Variants in ASPRV1 observed in about 807,000 individuals in gnomAD.
The protein encoded by ASPRV1 is retroviral-like aspartic protease 1.
In ASPRV1, 7 loss-of-function variants were observed where a neutral mutation model predicts 11.0. The ratio of observed to expected loss-of-function variants is 0.64; its 90% CI spans 0.36 to 1.20. The LOEUF (loss-of-function observed/expected upper bound fraction) is 1.20. ASPRV1 is among the 50% of genes most tolerant of loss of function. The pLI is 0.02. For missense variants in ASPRV1, 299 were observed against 320.0 expected (o/e 0.93, Z 0.50); for synonymous variants, 136 against 138.4 (o/e 0.98, Z 0.12).
At chr2:69,971,500 C>T in the ASPRV1 span, among the ~76,000 whole-genome samples, 9 of 152,100 alleles carry the variant, frequency 5.9e-5, no homozygotes, top group Admixed American at 1.3e-4. Flanking sequence ...GGCGCAGGAT[C>T]GTTTTGTAAA....
chr2:69,967,333 A>G, the ASPRV1 span, among the ~76,000 whole-genome samples: 1 of 152,154 alleles, frequency 6.6e-6, no homozygotes, highest in Non-Finnish European at 1.5e-5. Flanking sequence ...GCCTCAGGCA[A>G]CTCCCGCAAC....
chr2:69,960,751 A>G lies in ASPRV1; in HGVS notation c.686T>C (p.Leu229Pro). 6 of 1,614,182 alleles carry G rather than the reference A, an allele frequency of 3.7e-6. No homozygotes were observed. The highest frequency in any genetic ancestry group is 5.1e-6 in the Non-Finnish European group (6 of 1,180,018). The change falls in exon 1 of 1, where the codon CTG becomes CCG. Residue 229 changes from leucine (L) to proline (P), a missense_variant. Physicochemically the swap from Leu to Pro is moderately conservative, Grantham distance 98 (BLOSUM62 -3). Coordinates refer to ENST00000320256, the MANE Select transcript of ASPRV1 (RefSeq NM_152792.4). ...CTLKGKKFRL[L>P]PVGGSLEDEF... is the part of the protein sequence containing the mutation. ...ATCTTCCAGGGACCCTCCCACAGGCAGAAGGCGAAACTTCTTCCCTTTCAG... is the reference window on the plus strand; with the variant it reads ...ATCTTCCAGGGACCCTCCCACAGGCGGAAGGCGAAACTTCTTCCCTTTCAG...
At chr2:70,003,084 C>G in the ASPRV1 span, 2 of 152,244 alleles carry the variant, frequency 1.3e-5, no homozygotes, top group Non-Finnish European at 2.9e-5. Context: ...GTTAAATCCT[C>G]TGGAGAGGGA....
chr2:69,942,641 A>C, the ASPRV1 span: 1 of 152,126 alleles, frequency 6.6e-6, no homozygotes, highest in Admixed American at 6.6e-5. Flanking sequence ...CCATCCCTAG[A>C]ATTGGTGCTC....
chr2:69,938,082 T>C, the ASPRV1 span: 1 of 1,612,428 alleles, frequency 6.2e-7, no homozygotes, highest in Non-Finnish European at 8.5e-7. Context: ...TCCTTCTCTC[T>C]TGTCCTCCCT....
At chr2:69,977,832 A>T in the ASPRV1 span, among the ~76,000 whole-genome samples, 1 of 152,182 alleles carries the variant, frequency 6.6e-6, no homozygotes, top group African/African-American at 2.4e-5. Flanking sequence ...GTAACTCCAG[A>T]GGGGGGAGTG....
At chr2:70,027,308 G>C in the ASPRV1 span, among the ~76,000 whole-genome samples, 1 of 146,204 alleles carries the variant, frequency 6.8e-6, no homozygotes, top group Non-Finnish European at 1.5e-5. Flanking sequence ...CAGGATGTAA[G>C]TTAGTATAGC....
the ASPRV1 span, among the ~76,000 whole-genome samples, chr2:70,024,957 G>C: frequency 6.6e-6 from 1 of 152,206 alleles, no homozygotes; most frequent in Non-Finnish European, 1.5e-5. Flanking sequence ...CCTGGTACTA[G>C]AGTTAATGCA....
At chr2:70,045,334 T>A in the ASPRV1 span, 1 of 152,100 alleles carries the variant, frequency 6.6e-6, no homozygotes, top group South Asian at 2.1e-4. Flanking sequence ...CTTGCCCATG[T>A]GCAAAAAATG....
At chr2:70,026,501 T>C in the ASPRV1 span, among the ~76,000 whole-genome samples, 1 of 151,480 alleles carries the variant, frequency 6.6e-6, no homozygotes, top group East Asian at 1.9e-4. Context: ...AGAAATTCAG[T>C]AAAGTTGCAG....
the ASPRV1 span, chr2:70,081,623 GT>G: frequency 6.6e-6 from 1 of 151,800 alleles, no homozygotes; most frequent in Non-Finnish European, 1.5e-5. Flanking sequence ...TCACTCTGTT[GT>G]CCGGACTGAA....
the ASPRV1 span, among the ~76,000 whole-genome samples, chr2:70,021,729 A>C: frequency 6.7e-6 from 1 of 150,372 alleles, no homozygotes; most frequent in Non-Finnish European, 1.5e-5. Flanking sequence ...TTTGAGACAG[A>C]GTCTCTCTCT....
downstream of ASPRV1, among the ~76,000 whole-genome samples, chr2:69,957,926 T>G (rs1329979427): frequency 1.3e-5 from 2 of 152,128 alleles, no homozygotes; most frequent in Non-Finnish European, 2.9e-5. Context: ...ACTGCCATGG[T>G]GTCCCAGCAG....
At chr2:69,991,641 G>C in the ASPRV1 span, among the ~76,000 whole-genome samples, 1 of 151,970 alleles carries the variant, frequency 6.6e-6, no homozygotes, top group African/African-American at 2.4e-5. Flanking sequence ...TTCGCCTCCC[G>C]GGTTCAAGCG....
chr2:70,062,436 C>G, the ASPRV1 span, among the ~76,000 whole-genome samples: 1 of 152,158 alleles, frequency 6.6e-6, no homozygotes, highest in Non-Finnish European at 1.5e-5. Context: ...CAGTTGATAC[C>G]AGGAAATCTG....
downstream of ASPRV1, among the ~76,000 whole-genome samples, chr2:69,958,516 C>T (rs977037136): frequency 2.0e-5 from 3 of 152,186 alleles, no homozygotes; most frequent in Non-Finnish European, 2.9e-5. Flanking sequence ...TGGGGTATTG[C>T]TCTGGAATTC....
the ASPRV1 span, among the ~76,000 whole-genome samples, chr2:70,083,302 T>C: frequency 1.3e-5 from 2 of 152,200 alleles, no homozygotes; most frequent in Non-Finnish European, 2.9e-5. Flanking sequence ...GTCACTTCAC[T>C]CCTCTAATCC....
the ASPRV1 span, among the ~76,000 whole-genome samples, chr2:70,020,129 T>C: frequency 0.13 from 19,347 of 152,116 alleles, 1,788 homozygotes; most frequent in South Asian, 0.25. Context: ...GAACCCCTCA[T>C]GTAGAGTTAC....
chr2:70,053,897 CCT>C, the ASPRV1 span: 2 of 152,270 alleles, frequency 1.3e-5, no homozygotes, highest in African/African-American at 4.8e-5. Flanking sequence ...TCTCTCTCCA[CCT>C]CTCTCATCTT....
Sources: allele counts gnomAD v4.1 joint callset (sites outside exome capture counted in the v4.1 genomes callset), GRCh38; gene constraint gnomAD v4.1.1; transcripts MANE v1.5; gene names NCBI Gene and HGNC (gene_info 2026-07-23, HGNC 2026-07-21).